Variants in PVT1 observed in about 807,000 individuals in gnomAD.
PVT1 encodes the protein Pvt1 oncogene.
chr8:128,008,877 G>A (rs759211418), intron 4 of PVT1: 6 of 509,240 alleles, frequency 1.2e-5, no homozygotes, highest in Non-Finnish European at 2.1e-5. Flanking sequence ...CTATGGTCAG[G>A]CTTACATGCT....
At chr8:127,927,930 T>G (rs900437218) in intron 3 of PVT1, among the ~76,000 whole-genome samples, 1 of 152,202 alleles carries the variant, frequency 6.6e-6, no homozygotes, top group Admixed American at 6.5e-5. Context: ...TTAAATACTT[T>G]ACAAAAATTC....
At chr8:127,966,547 A>C (rs1301761013) in intron 3 of PVT1, among the ~76,000 whole-genome samples, 1 of 152,196 alleles carries the variant, frequency 6.6e-6, no homozygotes, top group Non-Finnish European at 1.5e-5. Context: ...CAGCCAGATA[A>C]GGCCTTGGGA....
intron 2 of PVT1, among the ~76,000 whole-genome samples, chr8:127,881,071 TGG>T (rs1815461751): frequency 1.3e-5 from 2 of 152,232 alleles, no homozygotes; most frequent in African/African-American, 4.8e-5. Context: ...AGGTGCCTGC[TGG>T]TAGAAGGCTG....
At chr8:128,086,324 T>C (rs1160322309) in intron 5 of PVT1, among the ~76,000 whole-genome samples, 1 of 152,128 alleles carries the variant, frequency 6.6e-6, no homozygotes, top group Non-Finnish European at 1.5e-5. Flanking sequence ...AGCATAAGCA[T>C]CAGCTTCCTA....
intron 4 of PVT1, among the ~76,000 whole-genome samples, chr8:128,037,394 G>A (rs933160682): frequency 2.6e-5 from 4 of 152,198 alleles, no homozygotes; most frequent in Non-Finnish European, 5.9e-5. Context: ...AGCTTGCTTT[G>A]ATTCGCTATA....
Position 127,868,779 on chromosome 8 carries a change from A to ATG in PVT1, n.373-21809_373-21808insGT, listed in dbSNP as rs1563625634. On this transcript the variant is annotated intron_variant and non_coding_transcript_variant, in intron 2 of 10. Coordinates refer to ENST00000651587, the Ensembl canonical transcript of PVT1. The stretch of plus-strand genomic sequence containing the variant: ...TTCTCCTTCCTTTTAACATATATAT[A>ATG]TATATATATATATACATATATATGT... Among the ~76,000 whole-genome samples the ATG allele has an allele frequency of 6.8e-5, 8 of 117,702 alleles. No homozygotes were observed. In the East Asian group the frequency reaches 1.0e-3, roughly 15 times the overall value. The allele number at this position is 117,702 out of a possible 152,430, so 77.2% of individuals were successfully genotyped here.
chr8:127,883,861 A>T (rs1815496686), intron 2 of PVT1, among the ~76,000 whole-genome samples: 1 of 152,210 alleles, frequency 6.6e-6, no homozygotes, highest in Admixed American at 6.5e-5. Context: ...GGGAAGGGTC[A>T]GCTGTGAGGC....
chr8:127,832,126 ATG>A (rs1814857442), intron 2 of PVT1, among the ~76,000 whole-genome samples: 1 of 152,066 alleles, frequency 6.6e-6, no homozygotes, highest in Non-Finnish European at 1.5e-5. Context: ...AGTAAGAGTT[ATG>A]TGTCAGGCAC....
At chr8:127,858,407 AAAATAAATAAAT>A (rs374974740) in intron 2 of PVT1, among the ~76,000 whole-genome samples, 443 of 141,866 alleles carry the variant, frequency 3.1e-3, no homozygotes, top group African/African-American at 8.8e-3. Flanking sequence ...ACTCTGTCTC[AAAATAAATAAAT>A]AAATAAATAA....
At chr8:127,946,873 C>G (rs1816427105) in intron 3 of PVT1, 1 of 152,898 alleles carries the variant, frequency 6.5e-6, no homozygotes, top group South Asian at 2.1e-4. Context: ...CGACTCCCTC[C>G]CTCCTCCCTT....
intron 3 of PVT1, among the ~76,000 whole-genome samples, chr8:127,927,532 A>G (rs577522378): frequency 6.6e-6 from 1 of 152,308 alleles, no homozygotes; most frequent in East Asian, 1.9e-4. Flanking sequence ...CCATCCTAGC[A>G]CTGCTTGCTG....
chr8:127,805,640 C>A (rs1370725948), intron 2 of PVT1, among the ~76,000 whole-genome samples: 1 of 151,992 alleles, frequency 6.6e-6, no homozygotes, highest in Admixed American at 6.6e-5. Context: ...TTGTGGAATG[C>A]CTGTGGTGTG....
At chr8:128,079,796 C>T (rs1814150654) in intron 5 of PVT1, among the ~76,000 whole-genome samples, 1 of 150,944 alleles carries the variant, frequency 6.6e-6, no homozygotes, top group African/African-American at 2.4e-5. Context: ...GTGATCTCGG[C>T]TCACTGCCAG....
At chr8:127,900,716 G>A (rs1482852877) in intron 3 of PVT1, among the ~76,000 whole-genome samples, 1 of 152,220 alleles carries the variant, frequency 6.6e-6, no homozygotes, top group Non-Finnish European at 1.5e-5. Context: ...GCACAGGGCT[G>A]CAGGTGCATG....
intron 2 of PVT1, among the ~76,000 whole-genome samples, chr8:127,881,407 TA>T (rs1344054120): frequency 6.9e-6 from 1 of 145,836 alleles, no homozygotes; most frequent in Non-Finnish European, 1.5e-5. Context: ...ATAATAATAA[TA>T]ATATTATTAT....
At chr8:127,886,821 A>G (rs562091013) in intron 2 of PVT1, among the ~76,000 whole-genome samples, 61 of 152,286 alleles carry the variant, frequency 4.0e-4, no homozygotes, top group African/African-American at 1.4e-3. Context: ...TTTTTTCTTA[A>G]GAATGGATTA....
chr8:127,995,927 T>G (rs191324380), intron 4 of PVT1, among the ~76,000 whole-genome samples: 2 of 151,978 alleles, frequency 1.3e-5, no homozygotes, highest in African/African-American at 4.8e-5. Flanking sequence ...AACTTAAGGC[T>G]AATGTTTAGA....
chr8:128,046,794 C>T (rs1813619240), intron 4 of PVT1, among the ~76,000 whole-genome samples: 1 of 152,248 alleles, frequency 6.6e-6, no homozygotes, highest in Non-Finnish European at 1.5e-5. Context: ...ATATCCTCTT[C>T]TCTAACTTGT....
intron 4 of PVT1, among the ~76,000 whole-genome samples, chr8:128,015,243 A>T (rs1448886650): frequency 6.6e-6 from 1 of 151,890 alleles, no homozygotes; most frequent in Non-Finnish European, 1.5e-5. Context: ...GCGTGCACCA[A>T]CACATCAGGC....
Sources: gnomAD v4.1 joint callset for allele counts (sites outside exome capture counted in the v4.1 genomes callset) on GRCh38, gnomAD v4.1.1 for gene constraint, MANE v1.5 for transcripts, NCBI Gene and HGNC (gene_info 2026-07-23, HGNC 2026-07-21) for gene names.